The following BOP1 variants were observed in gnomAD, a reference collection of about 807,000 sequenced individuals.
BOP1 encodes ribosome biogenesis protein BOP1.
Under a neutral mutation model 82.9 loss-of-function variants are expected in BOP1, and 54 were observed. The ratio of observed to expected loss-of-function variants is 0.65; its 90% confidence interval spans 0.52 to 0.82. The LOEUF is 0.82. Among genes scored for constraint, BOP1 ranks in the 40% least tolerant of loss-of-function variants. BOP1 has a pLI of 0.00. For missense variants in BOP1, 1,170 were observed against 1,072.0 expected (o/e 1.09, Z -1.28); for synonymous variants, 566 against 451.1 (o/e 1.25, Z -3.23).
intron 1 of BOP1, among the ~76,000 whole-genome samples, chr8:144,289,529 G>A (rs557524315): frequency 1.4e-4 from 22 of 152,198 alleles, no homozygotes; most frequent in Admixed American, 2.6e-4. Context: ...CTTTGCCATC[G>A]ACATTTTAAT....
At chr8:144,278,328 G>A (rs1338104008) in intron 2 of BOP1, among the ~76,000 whole-genome samples, 9 of 152,210 alleles carry the variant, frequency 5.9e-5, no homozygotes, top group African/African-American at 2.2e-4. Flanking sequence ...CAGCCCCAGG[G>A]CTAGAATGTC....
At chr8:144,271,349 C>A (rs1304601380) in intron 3 of BOP1, among the ~76,000 whole-genome samples, 2 of 152,114 alleles carry the variant, frequency 1.3e-5, no homozygotes, top group East Asian at 3.9e-4. Flanking sequence ...GAGAGGAAGC[C>A]GGCCCACCTC....
chr8:144,285,123 G>A (rs969827493), intron 2 of BOP1, among the ~76,000 whole-genome samples: 1 of 152,244 alleles, frequency 6.6e-6, no homozygotes, highest in Non-Finnish European at 1.5e-5. Context: ...GGATGGCAGA[G>A]ATGAACAAAA....
At chr8:144,283,624 C>A (rs1189467428) in intron 2 of BOP1, among the ~76,000 whole-genome samples, 3 of 151,934 alleles carry the variant, frequency 2.0e-5, no homozygotes, top group Non-Finnish European at 4.4e-5. Context: ...GTGACTCATT[C>A]TTTTTATTTT....
chr8:144,268,750 G>T (rs1271362097), intron 3 of BOP1, among the ~76,000 whole-genome samples: 1 of 152,210 alleles, frequency 6.6e-6, no homozygotes, highest in Non-Finnish European at 1.5e-5. Context: ...GGAGCTGCGT[G>T]GCAGAAGATG....
At chr8:144,266,618 C>T in intron 3 of BOP1, 1 of 1,210,774 alleles carries the variant, frequency 8.3e-7, no homozygotes, top group Non-Finnish European at 1.0e-6. Flanking sequence ...GGCCCCATGT[C>T]CTTCGCCACG....
intron 2 of BOP1, among the ~76,000 whole-genome samples, chr8:144,277,390 T>G (rs945723816): frequency 1.4e-4 from 22 of 152,326 alleles, no homozygotes; most frequent in African/African-American, 5.3e-4. Flanking sequence ...AGCAGATCCG[T>G]GACCCCGGCC....
chr8:144,264,858 A>G, intron 4 of BOP1, 27 bp from the exon 5 acceptor site: 1 of 1,608,464 alleles, frequency 6.2e-7, no homozygotes, highest in Non-Finnish European at 8.5e-7. Flanking sequence ...AGACCCCGCC[A>G]GCCCTGCCCC....
Position 144,264,800 on chromosome 8 carries a change from C to T in BOP1, c.577G>A (p.Asp193Asn). ...ACCTGCTCATCCGTCAGTCTCAGGTCCCGCCCTGTCATCGGGTCCTGCACG... is the reference window on the plus strand; with the variant it reads ...ACCTGCTCATCCGTCAGTCTCAGGTTCCGCCCTGTCATCGGGTCCTGCACG... ...RTVQDPMTGR[D>N]LRLTDEQVAL... is the part of the protein sequence containing the mutation. Residue 193 changes from aspartate (D) to asparagine (N), a missense_variant, in exon 5 of 16, where the codon GAC becomes AAC. Physicochemically the swap from Asp to Asn is conservative, Grantham distance 23 (BLOSUM62 1). Transcript: ENST00000569669. 1 of 1,609,454 alleles carries T rather than the reference C, an allele frequency of 6.2e-7. No homozygotes were observed. Among genetic ancestry groups the T allele is most frequent in the Non-Finnish European group, 8.5e-7 (1 of 1,179,098 alleles).
chr8:144,270,844 G>C (rs2130225416), intron 3 of BOP1, among the ~76,000 whole-genome samples: 1 of 152,268 alleles, frequency 6.6e-6, no homozygotes, highest in African/African-American at 2.4e-5. Context: ...TGGGACGGAA[G>C]GGGCCCCAGC....
chr8:144,262,545 G>A, intron 14 of BOP1, 42 bp from the exon 15 acceptor site: 3 of 1,612,858 alleles, frequency 1.9e-6, no homozygotes, highest in South Asian at 1.1e-5. Context: ...TCGGGCTGAA[G>A]GGAGGGGCTC....
At chr8:144,269,339 G>A (rs970364571) in intron 3 of BOP1, among the ~76,000 whole-genome samples, 19 of 152,348 alleles carry the variant, frequency 1.2e-4, no homozygotes, top group Non-Finnish European at 2.6e-4. Flanking sequence ...ATGGTGCCAG[G>A]TGCGGGCGTC....
chr8:144,266,559 A>T (rs1845370958), intron 3 of BOP1: 43 of 1,003,066 alleles, frequency 4.3e-5, no homozygotes, highest in Non-Finnish European at 5.1e-5. Flanking sequence ...CGGCGGCCGC[A>T]GGAGGCGGCA....
In BOP1 at chr8:144,266,581, C is replaced by A. The variant is rs1183476784; in HGVS notation, c.391-1510G>T. On this transcript the variant is annotated intron_variant, in intron 3 of 15. Transcript: ENST00000569669. ...CGCAGGAGGCGGCATGAGCAGCGCGCGACAGAGCTGACGCCGCGCCCCCGC... is the reference window on the plus strand; with the variant it reads ...CGCAGGAGGCGGCATGAGCAGCGCGAGACAGAGCTGACGCCGCGCCCCCGC... 6.6e-6 allele frequency: 7 copies of A among 1,055,368 alleles called. No homozygotes were observed. In the African/African-American group the frequency reaches 1.0e-4, roughly 16 times the overall value. The allele number at this position is 1,055,368 out of a possible 1,614,324, so 65.4% of individuals were successfully genotyped here. A position where few individuals can be genotyped will look rare whatever the true frequency, so the allele number is the denominator to read the frequency against.
At chr8:144,263,661 C>G in intron 10 of BOP1, 31 bp downstream of exon 10, 1 of 1,597,884 alleles carries the variant, frequency 6.3e-7, no homozygotes, top group South Asian at 1.1e-5. Flanking sequence ...ACCTGCCCCC[C>G]AGCTCAAGGC....
chr8:144,264,813 C>T lies in BOP1; in HGVS notation c.564G>A (p.Pro188=), dbSNP rs1396895731. ...DPDYWRTVQD[P]MTGRDLRLTD... ...TCAGTCTCAGGTCCCGCCCTGTCAT[C>T]GGGTCCTGCACGGTGCGCCTGGAGA... The change falls in exon 5 of 16, where the codon CCG becomes CCA. Residue 188 remains proline, a synonymous_variant. Transcript: ENST00000569669. 4 of 1,609,454 alleles carry T rather than the reference C, an allele frequency of 2.5e-6. No homozygotes were observed. Among genetic ancestry groups the T allele is most frequent in the Admixed American group, 1.7e-5 (1 of 59,894 alleles).
intron 2 of BOP1, among the ~76,000 whole-genome samples, chr8:144,288,061 T>C (rs1469994407): frequency 6.6e-6 from 1 of 151,226 alleles, no homozygotes; most frequent in Non-Finnish European, 1.5e-5. Context: ...AGGTCAGGAG[T>C]TCGAGACCAG....
chr8:144,281,143 C>A (rs1188542181), intron 2 of BOP1, among the ~76,000 whole-genome samples: 1 of 130,510 alleles, frequency 7.7e-6, no homozygotes. Flanking sequence ...CTTAGGCCTT[C>A]TCTCAGTTTA....
At chr8:144,268,150 C>T in intron 3 of BOP1, 1 of 1,550,902 alleles carries the variant, frequency 6.4e-7, no homozygotes, top group Non-Finnish European at 8.7e-7. Flanking sequence ...TAGGAGGTGG[C>T]CGGCAGCAGC....
Sources: allele counts gnomAD v4.1 joint callset (sites outside exome capture counted in the v4.1 genomes callset), GRCh38; gene constraint gnomAD v4.1.1; transcripts MANE v1.5; gene names NCBI Gene and HGNC (gene_info 2026-07-23, HGNC 2026-07-21).